The following SV2C variants were observed in gnomAD, a reference collection of about 807,000 sequenced individuals.
The protein encoded by SV2C is synaptic vesicle glycoprotein 2C, also known as solute carrier family 22 member B3.
In SV2C, 49 loss-of-function variants were observed where a neutral mutation model predicts 79.7. That is an observed-to-expected ratio of 0.61 (90% CI 0.49 to 0.78). The LOEUF is 0.78. Among genes scored for constraint, SV2C ranks in the 30% least tolerant of loss-of-function variants. SV2C has a pLI of 0.00. For synonymous variants in SV2C, 334 were observed against 333.2 expected (o/e 1.00, Z -0.03); for missense variants, 833 against 912.9 (o/e 0.91, Z 1.13).
intron 9 of SV2C, among the ~76,000 whole-genome samples, chr5:76,297,902 C>T (rs1362091838): frequency 1.3e-5 from 2 of 152,146 alleles, no homozygotes; most frequent in African/African-American, 4.8e-5. Context: ...GCATTTTCCT[C>T]TCAGTGACTG....
chr5:76,014,824 T>C, the SV2C span, among the ~76,000 whole-genome samples: 1 of 152,224 alleles, frequency 6.6e-6, no homozygotes. Context: ...ATGTCTACGT[T>C]TACGACAGCC....
intron 2 of SV2C, among the ~76,000 whole-genome samples, chr5:76,169,896 C>T (rs548104218): frequency 1.3e-5 from 2 of 152,062 alleles, no homozygotes; most frequent in Middle Eastern, 3.4e-3. Flanking sequence ...AGTGGTTTCC[C>T]CAAAGAAGGT....
At chr5:76,286,795 G>C (rs1428643983) in intron 6 of SV2C, 1 of 152,194 alleles carries the variant, frequency 6.6e-6, no homozygotes, top group Non-Finnish European at 1.5e-5. Flanking sequence ...GCGGCAACAA[G>C]GAGAAATGCT....
At chr5:76,080,377 A>G (rs767000845), upstream of SV2C, among the ~76,000 whole-genome samples, 1 of 152,134 alleles carries the variant, frequency 6.6e-6, no homozygotes, top group Non-Finnish European at 1.5e-5. Context: ...TTGGTCCAAG[A>G]GTATGGGGCT....
chr5:76,258,703 A>G (rs1253208290), intron 4 of SV2C, among the ~76,000 whole-genome samples: 2 of 152,210 alleles, frequency 1.3e-5, no homozygotes, highest in East Asian at 3.8e-4. Flanking sequence ...ATTTACATTC[A>G]AAAAATGCAA....
chr5:76,144,227 C>A (rs1561235159), intron 2 of SV2C, among the ~76,000 whole-genome samples: 1 of 152,044 alleles, frequency 6.6e-6, no homozygotes, highest in Non-Finnish European at 1.5e-5. Context: ...TTGCTTATTT[C>A]TGCAATAAAA....
intron 1 of SV2C, among the ~76,000 whole-genome samples, chr5:76,092,667 CACTCT>C (rs1265178155): frequency 6.6e-6 from 1 of 152,130 alleles, no homozygotes; most frequent in Non-Finnish European, 1.5e-5. Flanking sequence ...GCACATTTTT[CACTCT>C]ACTCGACTGT....
chr5:76,278,136 A>G (rs943174810), intron 4 of SV2C, among the ~76,000 whole-genome samples: 1 of 152,186 alleles, frequency 6.6e-6, no homozygotes, highest in African/African-American at 2.4e-5. Context: ...TGGTCCTGTA[A>G]CCTGCAGTGA....
At chr5:76,085,361 AAC>A (rs943272265) in intron 1 of SV2C, among the ~76,000 whole-genome samples, 2 of 152,192 alleles carry the variant, frequency 1.3e-5, no homozygotes, top group African/African-American at 4.8e-5. Flanking sequence ...CGCGTTAAAA[AAC>A]ACTACTGATA....
Position 76,285,791 on chromosome 5 carries a change from A to T in SV2C, c.1058A>T (p.His353Leu). The T allele has an allele frequency of 1.2e-6, 2 of 1,613,976 alleles. No individual in the cohort carries two copies. Among genetic ancestry groups the T allele is most frequent in the Non-Finnish European group, 1.7e-6 (2 of 1,179,970 alleles). Residue 353 changes from histidine to leucine, a missense_variant, in exon 6 of 13, where the codon CAT becomes CTT. Coordinates refer to ENST00000502798, the MANE Select transcript of SV2C (RefSeq NM_014979.4). Reference sequence around the variant, plus strand: ...ACTCTCATTTCTTAGGTTGGAAAACATGATGAAGCTTGGATGATTCTGAAG... The same window carrying T: ...ACTCTCATTTCTTAGGTTGGAAAACTTGATGAAGCTTGGATGATTCTGAAG... ...SPRFLLEVGK[H>L]DEAWMILKLI...
At chr5:75,999,272 G>A in the SV2C span, among the ~76,000 whole-genome samples, 75 of 151,328 alleles carry the variant, frequency 5.0e-4, no homozygotes, top group South Asian at 4.2e-3. Flanking sequence ...ATGTATGTAT[G>A]TGTGTATGTA....
chr5:75,860,607 A>G, the SV2C span, among the ~76,000 whole-genome samples: 1 of 152,244 alleles, frequency 6.6e-6, no homozygotes, highest in Non-Finnish European at 1.5e-5. Flanking sequence ...CTCATATGGA[A>G]CCATAAAAGA....
chr5:75,878,209 AC>A, the SV2C span, among the ~76,000 whole-genome samples: 2 of 152,304 alleles, frequency 1.3e-5, no homozygotes, highest in East Asian at 3.9e-4. Flanking sequence ...TGATATGAAT[AC>A]CAATATCTAA....
At chr5:75,991,041 A>T in the SV2C span, among the ~76,000 whole-genome samples, 2 of 151,958 alleles carry the variant, frequency 1.3e-5, no homozygotes, top group Non-Finnish European at 2.9e-5. Context: ...CAAAGTATAT[A>T]CATGTTTTTA....
chr5:76,033,693 C>T, the SV2C span, among the ~76,000 whole-genome samples: 1 of 152,186 alleles, frequency 6.6e-6, no homozygotes, highest in Admixed American at 6.5e-5. Context: ...ATGCCTCCAG[C>T]TTTGTTCTTT....
the SV2C span, among the ~76,000 whole-genome samples, chr5:76,073,529 A>ATATATG: frequency 1.5e-5 from 2 of 129,530 alleles, no homozygotes; most frequent in African/African-American, 3.0e-5. Context: ...ATATATATAT[A>ATATATG]TATATATATA....
the SV2C span, among the ~76,000 whole-genome samples, chr5:76,037,233 C>G: frequency 6.6e-6 from 1 of 152,244 alleles, no homozygotes; most frequent in Non-Finnish European, 1.5e-5. Context: ...CTGAAGCCTT[C>G]TTCTCTCAGC....
At chr5:76,172,108 G>A (rs1743303934) in intron 2 of SV2C, among the ~76,000 whole-genome samples, 1 of 39,918 alleles carries the variant, frequency 2.5e-5, no homozygotes, top group Non-Finnish European at 4.1e-5. Context: ...GTCCGGGAGG[G>A]AGGTGGGGGG....
the SV2C span, among the ~76,000 whole-genome samples, chr5:75,927,486 G>C: frequency 1.3e-5 from 2 of 151,868 alleles, no homozygotes; most frequent in African/African-American, 2.4e-5. Context: ...TGATTGCTAC[G>C]GGATGGGGGG....
Sources: allele counts gnomAD v4.1 joint callset (sites outside exome capture counted in the v4.1 genomes callset), GRCh38; gene constraint gnomAD v4.1.1; transcripts MANE v1.5; gene names NCBI Gene and HGNC (gene_info 2026-07-23, HGNC 2026-07-21).